ANO5: variants seen among roughly 807,000 people sequenced by gnomAD.
ANO5 encodes the protein anoctamin-5.
A neutral mutation model predicts 121.0 loss-of-function variants in ANO5; 109 were observed. The ratio of observed to expected loss-of-function variants is 0.90; its 90% CI spans 0.77 to 1.06. The LOEUF is 1.06. Among genes scored for constraint, ANO5 ranks in the 50% least tolerant of loss-of-function variants. The probability of loss-of-function intolerance (pLI) is 0.00; values close to 1 mark genes in which losing one functional copy is unlikely to be tolerated. For synonymous variants in ANO5, 406 were observed against 359.9 expected (o/e 1.13, Z -1.45); for missense variants, 1,064 against 1,078.5 (o/e 0.99, Z 0.19).
chr11:22,246,804 C>T (rs58068329), intron 9 of ANO5, among the ~76,000 whole-genome samples: 33 of 137,944 alleles, frequency 2.4e-4, no homozygotes, highest in African/African-American at 8.3e-4. Flanking sequence ...TGCGATGAGC[C>T]GAGATCGCAC....
rs1380525804 is a variant in ANO5 at position 22,239,619 on chromosome 11, C to T, written c.813C>T (p.Tyr271=). The stretch of plus-strand genomic sequence containing the variant: ...CTCCCAATCCTACCAATGAAAGATA[C>T]ACACTTCACCAGAATTGGGCTCGAT... The part of the protein sequence containing the change: ...SEPPNPTNER[Y]TLHQNWARFS... Residue 271 remains tyrosine (Y), a synonymous_variant, in exon 9 of 22, where the codon TAC becomes TAT. Transcript: ENST00000324559. 1.2e-6 allele frequency: 2 copies of T among 1,612,810 alleles called. No homozygotes were observed. Among genetic ancestry groups the T allele is most frequent in the African/African-American group, 1.3e-5 (1 of 74,828 alleles).
intron 7 of ANO5, among the ~76,000 whole-genome samples, chr11:22,235,951 C>T (rs963081141): frequency 2.0e-5 from 3 of 152,104 alleles, no homozygotes; most frequent in Non-Finnish European, 4.4e-5. Context: ...TGCACCCCAT[C>T]AAATGAATGC....
At chr11:22,220,235 A>C (rs4922615) in intron 4 of ANO5, among the ~76,000 whole-genome samples, 105,106 of 151,796 alleles carry the variant, frequency 0.69, 37,914 homozygotes, top group Non-Finnish European at 0.81. Context: ...AAAACTATCT[A>C]ATTGACAGCC....
At chr11:22,209,688 A>T (rs924274446) in intron 2 of ANO5, among the ~76,000 whole-genome samples, 2 of 151,936 alleles carry the variant, frequency 1.3e-5, no homozygotes, top group African/African-American at 4.8e-5. Context: ...AAGAAATGAG[A>T]CAATGACATA....
At chr11:22,208,129 A>G (rs187137722) in intron 2 of ANO5, among the ~76,000 whole-genome samples, 10 of 152,204 alleles carry the variant, frequency 6.6e-5, no homozygotes, top group African/African-American at 2.4e-4. Flanking sequence ...GCAGTTTCTT[A>G]AAAATCTAAA....
chr11:22,250,902 C>T, intron 11 of ANO5, 49 bp from the exon 12 acceptor site: 5 of 1,608,228 alleles, frequency 3.1e-6, no homozygotes, highest in Non-Finnish European at 4.3e-6. Context: ...CTTTTTATTA[C>T]ATTTAGTACT....
In ANO5 at chr11:22,227,351, A is replaced by T; in HGVS notation, c.413A>T (p.Glu138Val). Residue 138 changes from glutamate to valine, a missense_variant, in exon 7 of 22, where the codon GAG (glutamate) becomes GTG (valine). Transcript: ENST00000324559. ...TTTGTCAAGATCCATGCCCCTTGGG[A>T]GGTATTAGTTACCTATGCTGAAGTC... ...TYFVKIHAPW[E>V]VLVTYAEVLG... 1 of 1,613,234 alleles carries T rather than the reference A, an allele frequency of 6.2e-7. No individual in the cohort carries two copies. Among genetic ancestry groups the T allele is most frequent in the Non-Finnish European group, 8.5e-7 (1 of 1,179,680 alleles).
intron 1 of ANO5, among the ~76,000 whole-genome samples, chr11:22,198,612 G>A (rs1447505294): frequency 1.3e-5 from 2 of 152,112 alleles, no homozygotes; most frequent in African/African-American, 4.8e-5. Context: ...AGTGTTTGCA[G>A]TTTTTCAACT....
intron 3 of ANO5, among the ~76,000 whole-genome samples, chr11:22,213,929 A>G (rs936016737): frequency 1.1e-4 from 14 of 132,350 alleles, no homozygotes; most frequent in Non-Finnish European, 3.3e-5. Flanking sequence ...TTGGGACAGC[A>G]TCTTGCTCTG....
At chr11:22,206,682 TTATCAGAAAAAA>T (rs1339954912) in intron 2 of ANO5, among the ~76,000 whole-genome samples, 1 of 152,020 alleles carries the variant, frequency 6.6e-6, no homozygotes, top group Non-Finnish European at 1.5e-5. Context: ...CATGTGATTT[TTATCAGAAAAAA>T]TATTGTCAAA....
Position 22,221,219 on chromosome 11 carries a change from A to T in ANO5, c.294+9A>T, listed in dbSNP as rs369462468. 1 of 1,568,386 alleles carries T rather than the reference A, an allele frequency of 6.4e-7. No homozygotes were observed. Among genetic ancestry groups the T allele is most frequent in the Non-Finnish European group, 8.8e-7 (1 of 1,139,510 alleles). ...ACGCAGAGTTAAAGGCGGTAAGTGCATTATAACAGAAGTGGGAATAATAAA... is the reference window on the plus strand; with the variant it reads ...ACGCAGAGTTAAAGGCGGTAAGTGCTTTATAACAGAAGTGGGAATAATAAA... On this transcript the variant is annotated intron_variant, in intron 5 of 21. Transcript: ENST00000324559.
chr11:22,237,483 C>T (rs1190043342), intron 8 of ANO5, among the ~76,000 whole-genome samples: 4 of 152,040 alleles, frequency 2.6e-5, no homozygotes, highest in South Asian at 2.1e-4. Context: ...CTCCGTCTCC[C>T]GGGTTCAAGC....
chr11:22,221,194 A>G lies in ANO5; in HGVS notation c.278A>G (p.Asp93Gly). Residue 93 changes from aspartate (D) to glycine (G), a missense_variant, in exon 5 of 22, where the codon GAC becomes GGC. Transcript: ENST00000324559. ...VLSYVDDVKK[D>G]AELKAERRKE... ...TCCTACGTTGATGATGTAAAGAAAGACGCAGAGTTAAAGGCGGTAAGTGCA... is the reference window on the plus strand; with the variant it reads ...TCCTACGTTGATGATGTAAAGAAAGGCGCAGAGTTAAAGGCGGTAAGTGCA... 6.2e-7 allele frequency: 1 copy of G among 1,609,208 alleles called. No individual in the cohort carries two copies. Among genetic ancestry groups the G allele is most frequent in the Non-Finnish European group, 8.5e-7 (1 of 1,176,268 alleles).
chr11:22,264,448 AG>A (rs1327303217), intron 17 of ANO5, among the ~76,000 whole-genome samples: 2 of 150,662 alleles, frequency 1.3e-5, no homozygotes, highest in Non-Finnish European at 2.9e-5. Flanking sequence ...GACAAAAGAC[AG>A]GGGAGGTAAA....
rs576283869 is a variant in ANO5 at position 22,211,206 on chromosome 11, C to A, written c.88-58C>A. 55 of 1,569,954 alleles carry A rather than the reference C, an allele frequency of 3.5e-5. No homozygotes were observed. The South Asian group carries it at 6.0e-4, about 17-fold the overall frequency. On this transcript the variant is annotated intron_variant, in intron 2 of 21. Transcript: ENST00000324559. ...GAGTTGTTACTGAAACTTAAAAGCA[C>A]CCTTTGCTCCACCTGCACTATTAAT...
At chr11:22,255,808 T>G (rs941745243) in intron 13 of ANO5, among the ~76,000 whole-genome samples, 3 of 152,092 alleles carry the variant, frequency 2.0e-5, no homozygotes, top group Non-Finnish European at 4.4e-5. Context: ...ATGGACAATC[T>G]TGTTTCATTC....
rs1852809615 is a variant in ANO5 at position 22,225,871 on chromosome 11, G to A, written c.295-113G>A. The A allele has an allele frequency of 1.2e-5, 9 of 752,116 alleles. No individual in the cohort carries two copies. In the South Asian group the frequency reaches 1.4e-4, roughly 12 times the overall value. 46.6% of individuals were successfully genotyped at this position (752,116 alleles called of 1,614,324 possible). The stretch of plus-strand genomic sequence containing the variant: ...ATGGAGCATTTTTATATACAACCAT[G>A]GGAGGGGCAGAGAGCCATCCAGAGT... On this transcript the variant is annotated intron_variant, in intron 5 of 21. Coordinates refer to ENST00000324559, the MANE Select transcript of ANO5 (RefSeq NM_213599.3).
At chr11:22,213,722 T>C (rs1383403038) in intron 3 of ANO5, among the ~76,000 whole-genome samples, 2 of 151,892 alleles carry the variant, frequency 1.3e-5, no homozygotes, top group Non-Finnish European at 2.9e-5. Flanking sequence ...TCCTTATAGG[T>C]GAATCCATTA....
At chr11:22,249,297 T>C (rs1490461750) in intron 9 of ANO5, among the ~76,000 whole-genome samples, 4 of 152,088 alleles carry the variant, frequency 2.6e-5, no homozygotes, top group Non-Finnish European at 5.9e-5. Context: ...ATAACCTTTA[T>C]GTTCAGATAT....
Sources: allele counts gnomAD v4.1 joint callset (sites outside exome capture counted in the v4.1 genomes callset), GRCh38; gene constraint gnomAD v4.1.1; transcripts MANE v1.5; gene names NCBI Gene and HGNC (gene_info 2026-07-23, HGNC 2026-07-21).